Variants in RNGTT observed in about 807,000 individuals in gnomAD.
RNGTT encodes mRNA-capping enzyme.
RNGTT carries 33 observed loss-of-function variants against 79.3 expected under a neutral mutation model. The observed-to-expected ratio is 0.42, with a 90% CI of 0.32 to 0.56. RNGTT has a LOEUF of 0.56. RNGTT is among the 20% of genes least tolerant of loss of function. The pLI is 0.17. For synonymous variants in RNGTT, 222 were observed against 235.9 expected (o/e 0.94, Z 0.54); for missense variants, 497 against 739.1 (o/e 0.67, Z 3.80).
intron 1 of RNGTT, among the ~76,000 whole-genome samples, chr6:88,950,396 T>C (rs1253374738): frequency 1.3e-5 from 2 of 152,108 alleles, no homozygotes; most frequent in African/African-American, 4.8e-5. Flanking sequence ...AAAAAGGTCT[T>C]ATTATTTAAG....
At position 88,836,606 on chromosome 6, in the gene RNGTT, A is replaced by G. The variant is rs555836253; in HGVS notation, c.1269+7751T>C. 1.1e-4 allele frequency among the ~76,000 whole-genome samples: 17 copies of G among 152,054 alleles called. No homozygotes were observed. In the South Asian group the frequency reaches 3.3e-3, roughly 30 times the overall value. ...AAGATACAAAAATTAGCCGGGCATG[A>G]TAACACGTGCTTATAGTCCCAGCTA... On this transcript the variant is annotated intron_variant, in intron 11 of 15. Transcript: ENST00000369485.
chr6:88,783,220 G>A (rs1382571472), intron 12 of RNGTT, among the ~76,000 whole-genome samples: 1 of 152,150 alleles, frequency 6.6e-6, no homozygotes, highest in African/African-American at 2.4e-5. Context: ...CTTACCCCCA[G>A]AAAAGTAATT....
chr6:88,738,556 G>A (rs988511281), intron 13 of RNGTT, among the ~76,000 whole-genome samples: 2 of 152,144 alleles, frequency 1.3e-5, no homozygotes, highest in African/African-American at 4.8e-5. Context: ...TGAGGCAAGA[G>A]AATCTCTTGA....
At chr6:88,777,859 C>T (rs1371808202) in intron 12 of RNGTT, among the ~76,000 whole-genome samples, 2 of 152,114 alleles carry the variant, frequency 1.3e-5, no homozygotes, top group African/African-American at 4.8e-5. Context: ...ATGGGGAATC[C>T]TTGCCTTGTA....
intron 12 of RNGTT, among the ~76,000 whole-genome samples, chr6:88,775,552 C>T (rs1778847547): frequency 6.6e-6 from 1 of 152,152 alleles, no homozygotes; most frequent in Non-Finnish European, 1.5e-5. Context: ...TTTCTAACCA[C>T]AGAAGACGGT....
chr6:88,851,066 C>T (rs1781654463), intron 9 of RNGTT, among the ~76,000 whole-genome samples: 2 of 151,596 alleles, frequency 1.3e-5, no homozygotes, highest in Non-Finnish European at 2.9e-5. Flanking sequence ...ATGAAATGTT[C>T]TGGAATTAGA....
intron 13 of RNGTT, among the ~76,000 whole-genome samples, chr6:88,684,427 G>C (rs1461000074): frequency 6.6e-6 from 1 of 152,258 alleles, no homozygotes; most frequent in East Asian, 1.9e-4. Context: ...CAAAAAACCT[G>C]CACATGGGTG....
intron 11 of RNGTT, among the ~76,000 whole-genome samples, chr6:88,814,414 ACT>A (rs1427857916): frequency 6.6e-6 from 1 of 152,194 alleles, no homozygotes; most frequent in East Asian, 1.9e-4. Flanking sequence ...AATGCCCTTC[ACT>A]GTCTATAGTC....
chr6:88,906,260 A>G, intron 5 of RNGTT, 105 bp downstream of exon 5: 1 of 661,702 alleles, frequency 1.5e-6, no homozygotes, highest in Non-Finnish European at 2.6e-6. Context: ...AATTACATTA[A>G]TCATGAGTTC....
chr6:88,906,248 CAA>C (rs1328275664), intron 5 of RNGTT, 115 bp downstream of exon 5: 27 of 639,224 alleles, frequency 4.2e-5, no homozygotes. Context: ...AAAAGCAGTT[CAA>C]ATTACATTAA....
At chr6:88,741,520 A>G (rs1777492399) in intron 13 of RNGTT, among the ~76,000 whole-genome samples, 1 of 152,134 alleles carries the variant, frequency 6.6e-6, no homozygotes, top group Non-Finnish European at 1.5e-5. Flanking sequence ...TTATACCCCA[A>G]ACCTCAGCAT....
intron 4 of RNGTT, among the ~76,000 whole-genome samples, chr6:88,924,949 G>A (rs964810960): frequency 1.3e-5 from 2 of 151,918 alleles, no homozygotes; most frequent in Admixed American, 6.6e-5. Flanking sequence ...TCAAACCCCT[G>A]GCTTCAAGTG....
chr6:88,676,805 T>C (rs1774893026), intron 14 of RNGTT, among the ~76,000 whole-genome samples: 1 of 152,212 alleles, frequency 6.6e-6, no homozygotes, highest in African/African-American at 2.4e-5. Context: ...TCCATTTCAC[T>C]AGATTCAGAT....
intron 13 of RNGTT, among the ~76,000 whole-genome samples, chr6:88,707,879 G>T (rs1776190486): frequency 6.6e-6 from 1 of 151,792 alleles, no homozygotes; most frequent in Non-Finnish European, 1.5e-5. Context: ...AGGCCTTCTA[G>T]GATGTAGATA....
At chr6:88,802,272 G>T (rs1562260521) in intron 11 of RNGTT, among the ~76,000 whole-genome samples, 4 of 151,914 alleles carry the variant, frequency 2.6e-5, no homozygotes, top group South Asian at 2.1e-4. Context: ...TTACTTTGGG[G>T]TTTTTTTGTG....
intron 13 of RNGTT, among the ~76,000 whole-genome samples, chr6:88,689,387 G>A (rs1043790253): frequency 4.6e-5 from 7 of 152,130 alleles, no homozygotes; most frequent in South Asian, 4.2e-4. Flanking sequence ...TAAGGTCAGC[G>A]GTTCGAGACC....
At chr6:88,647,715 AAAG>A (rs1554200969) in intron 14 of RNGTT, among the ~76,000 whole-genome samples, 26 of 142,490 alleles carry the variant, frequency 1.8e-4, no homozygotes, top group African/African-American at 3.3e-4. Context: ...AAAAAAAAAA[AAAG>A]AAGAAGAAGA....
chr6:88,883,170 CAAAAAAAA>C lies in RNGTT; in HGVS notation c.896+7317_896+7324del, dbSNP rs976114373. Among the ~76,000 whole-genome samples, 609 of 68,904 alleles carry C rather than the reference CAAAAAAAA, an allele frequency of 8.8e-3. 5 individuals carry two copies. Among genetic ancestry groups the C allele is most frequent in the Non-Finnish European group, 0.014 (426 of 31,330 alleles). 45.2% of individuals were successfully genotyped at this position (68,904 alleles called of 152,430 possible). On this transcript the variant is annotated intron_variant, in intron 8 of 15. Coordinates refer to ENST00000369485, the MANE Select transcript of RNGTT (RefSeq NM_003800.5). ...AGGAAGGAGCCCAGACTCTTTATGA[CAAAAAAAA>C]AAAAAAAAAAAAAAAAATCGAAGTG...
At chr6:88,938,785 A>G (rs1406570622) in intron 2 of RNGTT, among the ~76,000 whole-genome samples, 1 of 152,124 alleles carries the variant, frequency 6.6e-6, no homozygotes, top group African/African-American at 2.4e-5. Flanking sequence ...TGTCTAACGC[A>G]TTTCTTACAG....
Sources: gnomAD v4.1 joint callset for allele counts (sites outside exome capture counted in the v4.1 genomes callset) on GRCh38, gnomAD v4.1.1 for gene constraint, MANE v1.5 for transcripts, NCBI Gene and HGNC (gene_info 2026-07-23, HGNC 2026-07-21) for gene names.